The following ASAP1 variants were observed in gnomAD, a reference collection of about 807,000 sequenced individuals.
The protein encoded by ASAP1 is arf-GAP with SH3 domain, ANK repeat and PH domain-containing protein 1.
A neutral mutation model predicts 145.2 loss-of-function variants in ASAP1; 43 were observed. The ratio of observed to expected loss-of-function variants is 0.30; its 90% confidence interval spans 0.23 to 0.38. The LOEUF (loss-of-function observed/expected upper bound fraction) is 0.38. Among genes scored for constraint, ASAP1 ranks in the 10% least tolerant of loss-of-function variants. ASAP1 has a pLI of 1.00. For synonymous variants in ASAP1, 546 were observed against 515.5 expected (o/e 1.06, Z -0.80); for missense variants, 1,018 against 1,355.3 (o/e 0.75, Z 3.91).
At chr8:130,303,912 CTTACA>C (rs1822829155) in intron 3 of ASAP1, among the ~76,000 whole-genome samples, 2 of 152,138 alleles carry the variant, frequency 1.3e-5, no homozygotes, top group Non-Finnish European at 2.9e-5. Flanking sequence ...ACACTATGAA[CTTACA>C]TTAGTGTGGC....
chr8:130,310,692 A>C (rs1277354525), intron 3 of ASAP1, among the ~76,000 whole-genome samples: 1 of 152,208 alleles, frequency 6.6e-6, no homozygotes, highest in Admixed American at 6.5e-5. Flanking sequence ...AGTTAAAAAA[A>C]AAAAAAGTCT....
intron 1 of ASAP1, among the ~76,000 whole-genome samples, chr8:130,422,508 C>T (rs191974947): frequency 6.6e-6 from 1 of 152,348 alleles, no homozygotes; most frequent in East Asian, 1.9e-4. Context: ...CCCGCCTTCT[C>T]CCTTGCCTCG....
intron 1 of ASAP1, among the ~76,000 whole-genome samples, chr8:130,418,339 G>A (rs1454079751): frequency 6.6e-6 from 1 of 152,118 alleles, no homozygotes; most frequent in African/African-American, 2.4e-5. Flanking sequence ...CATGAGGTCA[G>A]GAGTTTGAGA....
At chr8:130,391,699 A>G (rs1828291584) in intron 2 of ASAP1, among the ~76,000 whole-genome samples, 1 of 152,240 alleles carries the variant, frequency 6.6e-6, no homozygotes, top group Non-Finnish European at 1.5e-5. Context: ...AGGCACTCAG[A>G]GTATGTCAGT....
intron 3 of ASAP1, among the ~76,000 whole-genome samples, chr8:130,248,167 C>A (rs1407777708): frequency 1.3e-5 from 2 of 152,050 alleles, no homozygotes; most frequent in African/African-American, 2.4e-5. Flanking sequence ...CTAACTCTGG[C>A]CCATTGAGAG....
chr8:130,355,856 C>A (rs79376657), intron 3 of ASAP1, among the ~76,000 whole-genome samples: 1 of 152,032 alleles, frequency 6.6e-6, no homozygotes, highest in Middle Eastern at 3.2e-3. Flanking sequence ...ATATGCCGAC[C>A]GGAGACAATG....
chr8:130,072,829 G>GCGCACGCA (rs1221695712), intron 27 of ASAP1, among the ~76,000 whole-genome samples: 1 of 102,366 alleles, frequency 9.8e-6, no homozygotes, highest in East Asian at 2.8e-4. Flanking sequence ...GTGTGTGCGC[G>GCGCACGCA]CGGGGGGGGG....
At chr8:130,333,340 G>A (rs1824818239) in intron 3 of ASAP1, among the ~76,000 whole-genome samples, 2 of 151,964 alleles carry the variant, frequency 1.3e-5, no homozygotes, top group South Asian at 2.1e-4. Context: ...GGTGGCTCAC[G>A]CCTGTCATCC....
intron 3 of ASAP1, among the ~76,000 whole-genome samples, chr8:130,259,933 G>A (rs748488475): frequency 7.9e-5 from 12 of 152,126 alleles, no homozygotes; most frequent in East Asian, 1.9e-4. Flanking sequence ...AGGCAGCACC[G>A]AAAATTATTT....
chr8:130,091,355 G>A (rs765307949), intron 25 of ASAP1, among the ~76,000 whole-genome samples: 11 of 152,172 alleles, frequency 7.2e-5, no homozygotes, highest in Non-Finnish European at 1.0e-4. Context: ...AGAACTCAAG[G>A]ATGAAAGGGA....
chr8:130,098,616 G>A (rs551340418), intron 24 of ASAP1, among the ~76,000 whole-genome samples: 8 of 152,234 alleles, frequency 5.3e-5, no homozygotes, highest in African/African-American at 1.9e-4. Context: ...CCAAAGTGCC[G>A]AGATTACAGG....
chr8:130,248,390 C>T lies in ASAP1; in HGVS notation c.187-11396G>A, dbSNP rs1481175124. ...TAGACAGAGAACAACCACGTGCATG[C>T]CAACATTCTGAGAAAACAGGCCCTT... is the stretch of plus-strand genomic sequence containing the variant. On this transcript the variant is annotated intron_variant, in intron 3 of 29. Coordinates refer to ENST00000518721, the MANE Select transcript of ASAP1 (RefSeq NM_018482.4). 3.9e-5 allele frequency among the ~76,000 whole-genome samples: 6 copies of T among 152,208 alleles called. No individual in the cohort carries two copies. In the East Asian group the frequency reaches 1.2e-3, roughly 29 times the overall value.
intron 5 of ASAP1, among the ~76,000 whole-genome samples, chr8:130,209,732 G>C (rs981124064): frequency 6.6e-6 from 1 of 152,096 alleles, no homozygotes; most frequent in Non-Finnish European, 1.5e-5. Flanking sequence ...TTGAGGAAAA[G>C]TACTTATGTA....
chr8:130,208,262 T>A (rs1816353428), intron 5 of ASAP1, among the ~76,000 whole-genome samples: 1 of 152,142 alleles, frequency 6.6e-6, no homozygotes, highest in Non-Finnish European at 1.5e-5. Context: ...TTTACTAGAA[T>A]TCCCCCCATT....
intron 3 of ASAP1, among the ~76,000 whole-genome samples, chr8:130,353,713 T>C (rs1321905336): frequency 2.0e-5 from 3 of 152,010 alleles, no homozygotes; most frequent in Non-Finnish European, 1.5e-5. Context: ...CTATTAGAAA[T>C]ACAAAAATTA....
intron 9 of ASAP1, among the ~76,000 whole-genome samples, chr8:130,175,477 C>T (rs1813888219): frequency 6.6e-6 from 1 of 152,120 alleles, no homozygotes; most frequent in African/African-American, 2.4e-5. Flanking sequence ...CCTCCTGCAT[C>T]GGCCTCCTAA....
Position 130,054,755 on chromosome 8 carries a change from G to A in ASAP1, c.3366C>T (p.Ser1122=), listed in dbSNP as rs748831155. 1.2e-6 allele frequency: 2 copies of A among 1,613,672 alleles called. No individual in the cohort carries two copies. Among genetic ancestry groups the A allele is most frequent in the Non-Finnish European group, 1.7e-6 (2 of 1,179,682 alleles). ...GCTAGTCAGACAGGATATGAACAAA[G>A]GACACTGGAAAGACCCCCTTCCTTT... The part of the protein sequence containing the change: ...QPERKGVFPV[S]FVHILSD The change falls in exon 30 of 30, where the codon TCC becomes TCT. Residue 1122 remains serine (S), a synonymous_variant. Coordinates refer to ENST00000518721, the MANE Select transcript of ASAP1 (RefSeq NM_018482.4).
At chr8:130,181,588 T>G (rs980649417) in intron 7 of ASAP1, among the ~76,000 whole-genome samples, 35 of 152,152 alleles carry the variant, frequency 2.3e-4, no homozygotes, top group African/African-American at 8.4e-4. Flanking sequence ...TTTTAATCAG[T>G]CAACCACTTG....
chr8:130,135,876 C>T (rs1216754713), intron 14 of ASAP1, among the ~76,000 whole-genome samples: 2 of 152,296 alleles, frequency 1.3e-5, no homozygotes, highest in East Asian at 3.9e-4. Context: ...GGAATCTAAA[C>T]TTCATACAGA....
Sources: gnomAD v4.1 joint callset for allele counts (sites outside exome capture counted in the v4.1 genomes callset) on GRCh38, gnomAD v4.1.1 for gene constraint, MANE v1.5 for transcripts, NCBI Gene and HGNC (gene_info 2026-07-23, HGNC 2026-07-21) for gene names.